PLA2G4E: variants seen among roughly 807,000 people sequenced by gnomAD.
PLA2G4E encodes phospholipase A2 group IVE.
A neutral mutation model predicts 109.1 loss-of-function variants in PLA2G4E; 84 were observed. That is an observed-to-expected ratio of 0.77 (90% CI 0.65 to 0.92). PLA2G4E has a LOEUF of 0.92. Ranked by LOEUF, PLA2G4E falls within the 40% of genes least tolerant of loss-of-function variation. PLA2G4E has a pLI of 0.00. For missense variants in PLA2G4E, 1,057 were observed against 1,076.6 expected, an observed-to-expected ratio of 0.98 and a Z score of 0.25; for synonymous variants, 469 against 436.1, an observed-to-expected ratio of 1.08 and a Z score of -0.94.
At chr15:41,997,500 C>T (rs1255510800) in intron 10 of PLA2G4E, 5 of 344,682 alleles carry the variant, frequency 1.5e-5, no homozygotes, top group Admixed American at 9.5e-5. Flanking sequence ...TGGCACAATG[C>T]GAGCTGGTAC....
In PLA2G4E at chr15:41,990,083, C is replaced by A. The variant is rs1026159260; in HGVS notation, c.1585+38G>T. On this transcript the variant is annotated intron_variant, in intron 14 of 19. Coordinates refer to ENST00000399518, the Ensembl canonical transcript of PLA2G4E. ...CTTTTGCCCACCAAGAAGTCCCCCC[C>A]TCCACCCCACTTGTAAATCACCAGC... The A allele has an allele frequency of 1.9e-6, 3 of 1,571,320 alleles. No homozygotes were observed. In the East Asian group the frequency reaches 6.8e-5, roughly 35 times the overall value.
chr15:42,027,479 T>C (rs1036797495), intron 1 of PLA2G4E, among the ~76,000 whole-genome samples: 4 of 152,200 alleles, frequency 2.6e-5, no homozygotes, highest in African/African-American at 9.7e-5. Context: ...ACTGCTCTTG[T>C]CTAAGCCATT....
exon 5 of PLA2G4E, chr15:42,004,952 G>T: frequency 1.2e-6 from 2 of 1,613,310 alleles, no homozygotes. Context: ...CCTCCAGCAG[G>T]AACTCCACCT....
At chr15:42,042,484 T>C (rs568917864) in intron 1 of PLA2G4E, among the ~76,000 whole-genome samples, 1 of 152,328 alleles carries the variant, frequency 6.6e-6, no homozygotes, top group East Asian at 1.9e-4. Context: ...ATAAATAAAG[T>C]TGCTCTTTAA....
chr15:42,013,577 G>GCT, intron 2 of PLA2G4E, 108 bp downstream of exon 2: 1 of 1,059,340 alleles, frequency 9.4e-7, no homozygotes, highest in Non-Finnish European at 1.4e-6. Flanking sequence ...ACGTGCACAC[G>GCT]TGCGCGCGCA....
At chr15:42,036,793 G>A (rs1382788332) in intron 1 of PLA2G4E, among the ~76,000 whole-genome samples, 1 of 152,198 alleles carries the variant, frequency 6.6e-6, no homozygotes, top group African/African-American at 2.4e-5. Flanking sequence ...CGGGAGCCGG[G>A]GAGCAGGCAA....
intron 1 of PLA2G4E, among the ~76,000 whole-genome samples, chr15:42,038,281 G>T (rs1339134724): frequency 6.6e-6 from 1 of 152,200 alleles, no homozygotes; most frequent in African/African-American, 2.4e-5. Flanking sequence ...TCCATGGATG[G>T]TGGGGGCAGG....
intron 11 of PLA2G4E, 135 bp from the exon 12 acceptor site, chr15:41,995,631 G>A (rs956397724): frequency 1.6e-5 from 18 of 1,116,018 alleles, no homozygotes; most frequent in Admixed American, 7.0e-5. Context: ...GTGCGGCGTT[G>A]AGCCACCTGA....
intron 1 of PLA2G4E, among the ~76,000 whole-genome samples, chr15:42,028,515 T>G (rs1595575023): frequency 1.3e-5 from 2 of 152,184 alleles, no homozygotes; most frequent in East Asian, 3.8e-4. Flanking sequence ...CAAGCAATTT[T>G]CCTGCCTCAG....
At chr15:42,036,358 C>T (rs1889214852) in intron 1 of PLA2G4E, among the ~76,000 whole-genome samples, 1 of 152,186 alleles carries the variant, frequency 6.6e-6, no homozygotes, top group Non-Finnish European at 1.5e-5. Context: ...CGGTGCTGCT[C>T]TTGCACTGGG....
intron 1 of PLA2G4E, among the ~76,000 whole-genome samples, chr15:42,036,952 C>A (rs973572107): frequency 6.6e-6 from 1 of 152,248 alleles, no homozygotes; most frequent in African/African-American, 2.4e-5. Context: ...GATCTCAGAG[C>A]ACCGTGGGGC....
intron 16 of PLA2G4E, among the ~76,000 whole-genome samples, 171 bp from the exon 17 acceptor site, chr15:41,987,546 T>C (rs1265333106): frequency 6.6e-6 from 1 of 151,836 alleles, no homozygotes; most frequent in Admixed American, 6.6e-5. Context: ...AGGATTCAGG[T>C]GAGAGACATG....
chr15:41,999,970 T>C (rs1170618509), exon 9 of PLA2G4E: 4 of 1,610,956 alleles, frequency 2.5e-6, no homozygotes, highest in Non-Finnish European at 3.4e-6. Context: ...GGCTGGCTGA[T>C]GGGGCCCTTC....
intron 13 of PLA2G4E, 126 bp from the exon 14 acceptor site, chr15:41,990,361 A>T (rs1390247475): frequency 4.9e-6 from 4 of 816,432 alleles, no homozygotes; most frequent in East Asian, 5.0e-5. Flanking sequence ...GGGCTGCTGT[A>T]TCGGCCCCAG....
chr15:42,034,050 A>G (rs746797867), intron 1 of PLA2G4E, among the ~76,000 whole-genome samples: 5 of 152,216 alleles, frequency 3.3e-5, no homozygotes, highest in African/African-American at 7.2e-5. Flanking sequence ...GACCCCCTGT[A>G]GTATCTGCCT....
At chr15:42,007,249 A>T (rs1005081681) in intron 3 of PLA2G4E, among the ~76,000 whole-genome samples, 1 of 152,224 alleles carries the variant, frequency 6.6e-6, no homozygotes, top group Admixed American at 6.5e-5. Context: ...TAGAGTCATC[A>T]TATATCTGAA....
At chr15:42,028,811 A>G (rs16972482) in intron 1 of PLA2G4E, among the ~76,000 whole-genome samples, 4,606 of 152,360 alleles carry the variant, frequency 0.03, 77 homozygotes, top group East Asian at 0.087. Context: ...TTTTCATGAC[A>G]TAAAGTAAAA....
intron 6 of PLA2G4E, among the ~76,000 whole-genome samples, chr15:42,002,143 C>CTAAAAA (rs1340521908): frequency 6.6e-6 from 1 of 151,384 alleles, no homozygotes; most frequent in African/African-American, 2.4e-5. Context: ...AACCCCGTCT[C>CTAAAAA]TACAAAATAC....
intron 6 of PLA2G4E, 61 bp from the exon 7 acceptor site, chr15:42,001,281 A>C: frequency 6.8e-7 from 1 of 1,470,750 alleles, no homozygotes. Context: ...TTGCTCTTCC[A>C]GGCTGAAGGG....
Sources: allele counts gnomAD v4.1 joint callset (sites outside exome capture counted in the v4.1 genomes callset), GRCh38; gene constraint gnomAD v4.1.1; transcripts MANE v1.5; gene names NCBI Gene and HGNC (gene_info 2026-07-23, HGNC 2026-07-21).